GCM1: variants seen among roughly 807,000 people sequenced by gnomAD.
The protein encoded by GCM1 is chorion-specific transcription factor GCMa.
Under a neutral mutation model 25.7 loss-of-function variants are expected in GCM1, and 2 were observed. That is an observed-to-expected ratio of 0.08 (90% confidence interval 0.03 to 0.24). The LOEUF is 0.24. Among genes scored for constraint, GCM1 ranks in the 10% least tolerant of loss-of-function variants. GCM1 has a pLI of 1.00. For missense variants in GCM1, 395 were observed against 538.7 expected (o/e 0.73, Z 2.64); for synonymous variants, 183 against 195.7 (o/e 0.94, Z 0.54).
chr6:53,139,489 C>T lies in GCM1; in HGVS notation c.76-5165G>A, dbSNP rs1418852739. ...CAGCCTAGGCAAGATAGTAAGACCCCCATCTCAAAAAAAAAAAAAAAAAAA... is the reference window on the plus strand; with the variant it reads ...CAGCCTAGGCAAGATAGTAAGACCCTCATCTCAAAAAAAAAAAAAAAAAAA... On this transcript the variant is annotated intron_variant, in intron 2 of 5. Coordinates refer to ENST00000259803, the MANE Select transcript of GCM1 (RefSeq NM_003643.4). Among the ~76,000 whole-genome samples, 5 of 99,360 alleles carry T rather than the reference C, an allele frequency of 5.0e-5. No individual in the cohort carries two copies. In the Admixed American group the frequency reaches 6.1e-4, roughly 12 times the overall value. 65.2% of individuals were successfully genotyped at this position (99,360 alleles called of 152,430 possible).
chr6:53,133,331 A>ATGTGTGTGTGTGTG (rs5876306), intron 3 of GCM1, among the ~76,000 whole-genome samples: 1 of 145,206 alleles, frequency 6.9e-6, no homozygotes, highest in African/African-American at 2.5e-5. Flanking sequence ...CACCCGGCAA[A>ATGTGTGTGTGTGTG]TGTGTGTGTG....
chr6:53,135,968 T>C (rs1467973185), intron 2 of GCM1, among the ~76,000 whole-genome samples: 4 of 152,224 alleles, frequency 2.6e-5, no homozygotes, highest in Non-Finnish European at 5.9e-5. Context: ...AACTGAAACA[T>C]TGATTAAAAC....
intron 2 of GCM1, among the ~76,000 whole-genome samples, chr6:53,141,824 C>T (rs992882429): frequency 1.3e-5 from 2 of 151,018 alleles, no homozygotes; most frequent in East Asian, 1.9e-4. Flanking sequence ...GGCAACATGG[C>T]AAAACCCCAT....
intron 2 of GCM1, among the ~76,000 whole-genome samples, chr6:53,141,454 A>G (rs1027610076): frequency 4.6e-5 from 7 of 152,114 alleles, no homozygotes; most frequent in African/African-American, 1.7e-4. Context: ...TTGGGAGGCC[A>G]AGGTGGGTGG....
At chr6:53,130,362 C>T (rs566300737) in intron 5 of GCM1, among the ~76,000 whole-genome samples, 7 of 152,266 alleles carry the variant, frequency 4.6e-5, no homozygotes, top group African/African-American at 1.7e-4. Context: ...CTATCATTTT[C>T]GGAAACTGCT....
At chr6:53,132,266 T>C in intron 3 of GCM1, 147 bp from the exon 4 acceptor site, 1 of 638,246 alleles carries the variant, frequency 1.6e-6, no homozygotes, top group Non-Finnish European at 2.8e-6. Flanking sequence ...CCACTAGATA[T>C]TACCCCTGAC....
In GCM1 at chr6:53,128,356, G is replaced by T; in HGVS notation, c.1161C>A (p.Asp387Glu). 2 of 1,613,860 alleles carry T rather than the reference G, an allele frequency of 1.2e-6. No homozygotes were observed. Among genetic ancestry groups the T allele is most frequent in the Non-Finnish European group, 1.7e-6 (2 of 1,179,748 alleles). The change falls in exon 6 of 6, where the codon GAC becomes GAA. Residue 387 changes from aspartate to glutamate, a missense_variant. Physicochemically the swap from Asp to Glu is conservative, Grantham distance 45. Coordinates refer to ENST00000259803, the MANE Select transcript of GCM1 (RefSeq NM_003643.4). ...GAGAGGCGTAGGTGAAGAGAAAGGG[G>T]TCTTCTTGAGGTGAATGGTATGCAG... The part of the protein sequence containing the change: ...QSPAYHSPQE[D>E]PFLFTYASHP...
chr6:53,142,438 G>T (rs1763889080), intron 2 of GCM1, among the ~76,000 whole-genome samples: 1 of 152,220 alleles, frequency 6.6e-6, no homozygotes, highest in Non-Finnish European at 1.5e-5. Flanking sequence ...CTCCAAGCCT[G>T]CAGTCAAGAA....
chr6:53,148,266 T>C (rs1483248038), intron 1 of GCM1, among the ~76,000 whole-genome samples: 2 of 152,332 alleles, frequency 1.3e-5, no homozygotes, highest in African/African-American at 2.4e-5. Flanking sequence ...AATTTTGTTA[T>C]AACTAATTGG....
chr6:53,138,691 A>C (rs886813344), intron 2 of GCM1, among the ~76,000 whole-genome samples: 2 of 152,204 alleles, frequency 1.3e-5, no homozygotes, highest in Non-Finnish European at 2.9e-5. Context: ...GAAGTTTATA[A>C]TTGAAAGGGA....
chr6:53,147,294 T>C (rs1763971077), intron 1 of GCM1, among the ~76,000 whole-genome samples: 1 of 152,168 alleles, frequency 6.6e-6, no homozygotes, highest in Admixed American at 6.5e-5. Flanking sequence ...ATTTCATTTA[T>C]TGGTACTCTT....
In GCM1 at chr6:53,131,984, C is replaced by T. The variant is rs200723453; in HGVS notation, c.441+23G>A. The stretch of plus-strand genomic sequence containing the variant: ...AAACTCCTCAGTAATGAAACTCTCA[C>T]GTAACTAACTCAAAAATCCAACCTG... On this transcript the variant is annotated intron_variant, in intron 4 of 5. Transcript: ENST00000259803. The T allele has an allele frequency of 9.7e-5, 128 of 1,325,052 alleles. 1 individual carries two copies. Among genetic ancestry groups the T allele is most frequent in the East Asian group, 8.7e-4 (38 of 43,590 alleles). 82.1% of individuals were successfully genotyped at this position (1,325,052 alleles called of 1,614,324 possible).
chr6:53,147,690 A>G (rs972276637), intron 1 of GCM1, among the ~76,000 whole-genome samples: 4 of 151,896 alleles, frequency 2.6e-5, no homozygotes, highest in African/African-American at 9.7e-5. Context: ...CTGTCTCCCA[A>G]AGTGCTGGGA....
chr6:53,138,254 C>G (rs1350305328), intron 2 of GCM1, among the ~76,000 whole-genome samples: 1 of 137,204 alleles, frequency 7.3e-6, no homozygotes, highest in African/African-American at 2.8e-5. Context: ...TGCACTCCAG[C>G]TTGGGTGACA....
chr6:53,145,657 T>TCGAG lies in GCM1; in HGVS notation c.-26_-25insCTCG. 1 of 1,383,710 alleles carries TCGAG rather than the reference T, an allele frequency of 7.2e-7. No homozygotes were observed. The highest frequency in any genetic ancestry group is 1.0e-6 in the Non-Finnish European group (1 of 971,640). The allele number at this position is 1,383,710 out of a possible 1,614,324, so 85.7% of individuals were successfully genotyped here. A position where few individuals can be genotyped will look rare whatever the true frequency, so the allele number is the denominator to read the frequency against. On this transcript the variant is annotated 5_prime_UTR_variant, in exon 2 of 6. Coordinates refer to ENST00000259803, the MANE Select transcript of GCM1 (RefSeq NM_003643.4). The stretch of plus-strand genomic sequence containing the variant: ...TGATAAGGTCAGGCCAGCCAAGGTT[T>TCGAG]TCACCTATTCGACTCCCCTCAGAAA...
chr6:53,143,014 C>T (rs927620782), intron 2 of GCM1, among the ~76,000 whole-genome samples: 1 of 150,450 alleles, frequency 6.6e-6, no homozygotes, highest in Non-Finnish European at 1.5e-5. Flanking sequence ...AATATAAAAT[C>T]TAATGTCTGG....
intron 1 of GCM1, 83 bp from the exon 2 acceptor site, chr6:53,145,851 T>G: frequency 2.1e-6 from 1 of 467,092 alleles, no homozygotes; most frequent in Non-Finnish European, 3.7e-6. Context: ...AAAAACCTGT[T>G]TCACTGACAT....
At chr6:53,147,221 A>T (rs975516464) in intron 1 of GCM1, among the ~76,000 whole-genome samples, 1 of 152,108 alleles carries the variant, frequency 6.6e-6, no homozygotes, top group African/African-American at 2.4e-5. Context: ...AAAAATGAAT[A>T]ATTTTGCAGA....
At chr6:53,146,170 T>A (rs111265768) in intron 1 of GCM1, among the ~76,000 whole-genome samples, 7,342 of 149,708 alleles carry the variant, frequency 0.049, 287 homozygotes, top group Non-Finnish European at 0.077. Context: ...ACACTGAATT[T>A]ATCTAGGAAA....
Sources: gnomAD v4.1 joint callset for allele counts (sites outside exome capture counted in the v4.1 genomes callset) on GRCh38, gnomAD v4.1.1 for gene constraint, MANE v1.5 for transcripts, NCBI Gene and HGNC (gene_info 2026-07-23, HGNC 2026-07-21) for gene names.